MSRA: variants seen among roughly 807,000 people sequenced by gnomAD.
The protein encoded by MSRA is mitochondrial peptide methionine sulfoxide reductase.
Under a neutral mutation model 31.3 loss-of-function variants are expected in MSRA, and 54 were observed. That is an observed-to-expected ratio of 1.73 (90% CI 1.39 to 2.17). The LOEUF is 2.17. Ranked by LOEUF, MSRA falls within the 30% of genes most tolerant of loss-of-function variation. MSRA has a pLI of 0.00. For missense variants in MSRA, 507 were observed against 300.9 expected, an observed-to-expected ratio of 1.69 and a Z score of -5.07; for synonymous variants, 169 against 116.5, an observed-to-expected ratio of 1.45 and a Z score of -2.90.
At position 10,251,270 on chromosome 8, in the gene MSRA, A is replaced by G. The variant is rs557773859; in HGVS notation, c.331+6047A>G. Among the ~76,000 whole-genome samples the G allele has an allele frequency of 3.9e-5, 6 of 152,098 alleles. No individual in the cohort carries two copies. In the South Asian group the frequency reaches 1.2e-3, roughly 32 times the overall value. ...TTTGGGTGGAAGCGCATGTCTATGT[A>G]TCTTACATGAGATGAATGATCCCAT... On this transcript the variant is annotated intron_variant, in intron 3 of 5. Coordinates refer to ENST00000317173, the MANE Select transcript of MSRA (RefSeq NM_012331.5).
At chr8:10,217,104 G>A (rs1396832359) in intron 2 of MSRA, among the ~76,000 whole-genome samples, 1 of 152,074 alleles carries the variant, frequency 6.6e-6, no homozygotes. Context: ...CATCCTAATG[G>A]GTGTGAAATG....
At chr8:10,391,569 G>T (rs573018016) in intron 5 of MSRA, among the ~76,000 whole-genome samples, 1 of 152,344 alleles carries the variant, frequency 6.6e-6, no homozygotes, top group South Asian at 2.1e-4. Flanking sequence ...AAGAGGACTT[G>T]CCAGAGGTCA....
At chr8:10,159,535 A>C (rs1038148212) in intron 1 of MSRA, among the ~76,000 whole-genome samples, 1 of 152,232 alleles carries the variant, frequency 6.6e-6, no homozygotes, top group African/African-American at 2.4e-5. Flanking sequence ...ATGGAAGTAC[A>C]GTTTTTTACT....
chr8:10,138,634 T>C (rs1179535403), intron 1 of MSRA, among the ~76,000 whole-genome samples: 2 of 152,196 alleles, frequency 1.3e-5, no homozygotes, highest in African/African-American at 4.8e-5. Context: ...AATTAAGTTA[T>C]TTGCATTTTG....
intron 1 of MSRA, among the ~76,000 whole-genome samples, chr8:10,201,028 A>T (rs540547749): frequency 6.6e-6 from 1 of 152,232 alleles, no homozygotes; most frequent in East Asian, 1.9e-4. Context: ...TTCCTGACTG[A>T]CTTGTACCCT....
intron 5 of MSRA, among the ~76,000 whole-genome samples, chr8:10,330,204 T>TAC (rs149601196): frequency 0.022 from 2,359 of 107,884 alleles, 58 homozygotes; most frequent in African/African-American, 0.071. Context: ...TTAAATGTGA[T>TAC]ATACACACAC....
chr8:10,301,612 T>C lies in MSRA; in HGVS notation c.410T>C (p.Phe137Ser). Residue 137 changes from phenylalanine (F) to serine (S), a missense_variant, in exon 4 of 6, where the codon TTC becomes TCC. Transcript: ENST00000317173. ...AGTTTTGAGGAACTGCTCAAGGTCT[T>C]CTGGGAGAATCACGACCCGACCCAA... ...HMSFEELLKV[F>S]WENHDPTQGM... is the part of the protein sequence containing the mutation. 3 of 1,614,116 alleles carry C rather than the reference T, an allele frequency of 1.9e-6. No individual in the cohort carries two copies. In the East Asian group the frequency reaches 6.7e-5, roughly 36 times the overall value.
At chr8:10,308,671 G>C (rs1044014200) in intron 4 of MSRA, among the ~76,000 whole-genome samples, 1 of 152,184 alleles carries the variant, frequency 6.6e-6, no homozygotes, top group Non-Finnish European at 1.5e-5. Flanking sequence ...GTTCTCCCCA[G>C]ACTATGCCCC....
At chr8:10,123,885 G>C (rs76468518) in intron 1 of MSRA, among the ~76,000 whole-genome samples, 1 of 150,828 alleles carries the variant, frequency 6.6e-6, no homozygotes, top group African/African-American at 2.4e-5. Flanking sequence ...CTTCTTTTGA[G>C]ACAGGGTCTC....
At chr8:10,123,845 C>T (rs953653559) in intron 1 of MSRA, among the ~76,000 whole-genome samples, 20 of 151,746 alleles carry the variant, frequency 1.3e-4, no homozygotes, top group African/African-American at 4.4e-4. Context: ...TATTCCAATC[C>T]ATTGGTCTAT....
intron 5 of MSRA, among the ~76,000 whole-genome samples, chr8:10,425,922 C>T (rs76201557): frequency 4.0e-4 from 61 of 152,338 alleles, no homozygotes; most frequent in African/African-American, 1.4e-3. Flanking sequence ...CCAGGAATGT[C>T]AGGCCCTCAC....
intron 5 of MSRA, among the ~76,000 whole-genome samples, chr8:10,325,900 A>C (rs1178793537): frequency 6.6e-6 from 1 of 152,194 alleles, no homozygotes; most frequent in Non-Finnish European, 1.5e-5. Flanking sequence ...TGTTTAAGGT[A>C]GGGAGGGTCA....
intron 1 of MSRA, among the ~76,000 whole-genome samples, chr8:10,099,619 T>G (rs1161167161): frequency 1.3e-5 from 2 of 152,240 alleles, no homozygotes; most frequent in African/African-American, 4.8e-5. Context: ...CTTATTTGAC[T>G]AAGAGAGTGT....
At chr8:10,411,084 A>G (rs1808131349) in intron 5 of MSRA, 1 of 151,938 alleles carries the variant, frequency 6.6e-6, no homozygotes, top group African/African-American at 2.4e-5. Flanking sequence ...AGACCCCTCC[A>G]TCTGACCTCC....
intron 2 of MSRA, among the ~76,000 whole-genome samples, chr8:10,241,610 A>AAGTGATAGAATTAGAAGATC (rs1489785648): frequency 6.6e-6 from 1 of 152,180 alleles, no homozygotes. Context: ...TATGAAAATG[A>AAGTGATAGAATTAGAAGATC]AGTGATAGAA....
intron 2 of MSRA, among the ~76,000 whole-genome samples, chr8:10,234,416 G>C (rs1303906723): frequency 1.3e-5 from 2 of 151,986 alleles, no homozygotes; most frequent in Non-Finnish European, 2.9e-5. Flanking sequence ...TAGTGAAGTG[G>C]GTATGTAACA....
intron 3 of MSRA, among the ~76,000 whole-genome samples, chr8:10,268,805 A>C (rs941052545): frequency 1.1e-4 from 16 of 152,228 alleles, no homozygotes; most frequent in Non-Finnish European, 4.4e-5. Context: ...GGATCTCCAC[A>C]CACCTGGAGG....
chr8:10,157,500 G>A (rs1804256132), intron 1 of MSRA, among the ~76,000 whole-genome samples: 3 of 152,234 alleles, frequency 2.0e-5, no homozygotes, highest in Non-Finnish European at 4.4e-5. Flanking sequence ...GGGTGGAGGT[G>A]CATGAGGAGG....
At chr8:10,402,820 C>A (rs1026125153) in intron 5 of MSRA, among the ~76,000 whole-genome samples, 1 of 152,172 alleles carries the variant, frequency 6.6e-6, no homozygotes, top group Non-Finnish European at 1.5e-5. Context: ...GGAGACTTTC[C>A]AGACTTGAGA....
Sources: gnomAD v4.1 joint callset for allele counts (sites outside exome capture counted in the v4.1 genomes callset) on GRCh38, gnomAD v4.1.1 for gene constraint, MANE v1.5 for transcripts, NCBI Gene and HGNC (gene_info 2026-07-23, HGNC 2026-07-21) for gene names.